Variants in LIPA observed in about 807,000 individuals in gnomAD.
The protein encoded by LIPA is lysosomal acid lipase/cholesteryl ester hydrolase.
Under a neutral mutation model 40.6 loss-of-function variants are expected in LIPA, and 26 were observed. The observed-to-expected ratio is 0.64, with a 90% CI of 0.47 to 0.89. The LOEUF (loss-of-function observed/expected upper bound fraction) is 0.89. Among genes scored for constraint, LIPA ranks in the 40% least tolerant of loss-of-function variants. LIPA has a pLI of 0.00. For missense variants in LIPA, 455 were observed against 479.6 expected (o/e 0.95, Z 0.48); for synonymous variants, 188 against 168.4 (o/e 1.12, Z -0.90).
chr10:89,362,221 C>T (rs954654126), intron 2 of LIPA: 1 of 152,036 alleles, frequency 6.6e-6, no homozygotes, highest in Non-Finnish European at 1.5e-5. Flanking sequence ...AATGTTTCTA[C>T]CTATCTTTTC....
intron 2 of LIPA, among the ~76,000 whole-genome samples, chr10:89,371,350 T>C (rs1247535477): frequency 6.6e-6 from 1 of 152,210 alleles, no homozygotes; most frequent in African/African-American, 2.4e-5. Context: ...TCCATGACTC[T>C]CCATTTTAGT....
intron 4 of LIPA, among the ~76,000 whole-genome samples, chr10:89,227,453 C>T (rs964558319): frequency 6.6e-6 from 1 of 152,162 alleles, no homozygotes; most frequent in Non-Finnish European, 1.5e-5. Context: ...TTGTATATGC[C>T]TTTTGTTAAA....
chr10:89,282,743 G>T (rs990979743), intron 1 of LIPA, among the ~76,000 whole-genome samples: 2 of 152,166 alleles, frequency 1.3e-5, no homozygotes, highest in African/African-American at 4.8e-5. Context: ...TATGAAATAG[G>T]TGCTACCACT....
At chr10:89,359,765 A>G (rs1164535493) in intron 2 of LIPA, among the ~76,000 whole-genome samples, 1 of 151,286 alleles carries the variant, frequency 6.6e-6, no homozygotes. Flanking sequence ...CCTCTCACCC[A>G]TCCACTGAAG....
chr10:89,406,904 C>A (rs188005457), intron 2 of LIPA, among the ~76,000 whole-genome samples: 39 of 152,284 alleles, frequency 2.6e-4, no homozygotes, highest in Admixed American at 2.6e-4. Context: ...CATCGGACCC[C>A]TTTCACTTGC....
chr10:89,226,903 G>A lies in LIPA; in HGVS notation c.530C>T (p.Thr177Ile). The A allele has an allele frequency of 3.2e-6, 5 of 1,554,770 alleles. No homozygotes were observed. Among genetic ancestry groups the A allele is most frequent in the Non-Finnish European group, 4.4e-6 (5 of 1,126,520 alleles). ...QVYYVGHSQG[T>I]TIGFIAFSQI... ...CTTATTTACATACATACCTATAGTG[G>A]TGCCTTGAGAATGACCCACATAATA... The change falls in exon 5 of 10, where the codon ACC becomes ATC. Residue 177 changes from threonine to isoleucine, a missense_variant. Thr to Ile is a moderately conservative substitution (Grantham distance 89, BLOSUM62 -1). Transcript: ENST00000336233.
intron 2 of LIPA, among the ~76,000 whole-genome samples, chr10:89,375,424 A>C (rs1844114989): frequency 6.6e-6 from 1 of 152,188 alleles, no homozygotes; most frequent in Non-Finnish European, 1.5e-5. Context: ...ACCTCAGAAG[A>C]AAACATCCCA....
intron 2 of LIPA, chr10:89,403,764 T>A (rs1844483137): frequency 2.1e-6 from 2 of 959,730 alleles, no homozygotes; most frequent in African/African-American, 3.3e-5. Flanking sequence ...TGCTAACATT[T>A]ACTAATCATC....
At chr10:89,355,422 G>A (rs1843983675) in intron 2 of LIPA, among the ~76,000 whole-genome samples, 1 of 152,178 alleles carries the variant, frequency 6.6e-6, no homozygotes, top group Non-Finnish European at 1.5e-5. Context: ...TTGCAAAGAT[G>A]GTTTCAGCCT....
intron 1 of LIPA, among the ~76,000 whole-genome samples, chr10:89,295,015 T>TAAAGGAAAG (rs1843404066): frequency 1.7e-5 from 1 of 60,260 alleles, no homozygotes; most frequent in East Asian, 3.0e-4. Flanking sequence ...GGAAAGGAAA[T>TAAAGGAAAG]GAAATGAAAG....
At chr10:89,408,763 C>A (rs11498636) in intron 2 of LIPA, among the ~76,000 whole-genome samples, 5,471 of 152,282 alleles carry the variant, frequency 0.036, 144 homozygotes, top group South Asian at 0.13. Flanking sequence ...AAACCCTGGC[C>A]TTTAATGAAA....
chr10:89,256,979 G>A (rs1338209552), intron 1 of LIPA, among the ~76,000 whole-genome samples: 1 of 152,194 alleles, frequency 6.6e-6, no homozygotes, highest in African/African-American at 2.4e-5. Context: ...TTTGCAATGT[G>A]AATAAGTGTG....
At chr10:89,377,459 G>A (rs1229311881) in intron 2 of LIPA, among the ~76,000 whole-genome samples, 2 of 152,286 alleles carry the variant, frequency 1.3e-5, no homozygotes, top group East Asian at 3.9e-4. Flanking sequence ...CTCCACTATA[G>A]CCAGGGTTGG....
At chr10:89,320,011 T>G (rs1843562681) in intron 1 of LIPA, among the ~76,000 whole-genome samples, 2 of 152,144 alleles carry the variant, frequency 1.3e-5, no homozygotes, top group Non-Finnish European at 2.9e-5. Flanking sequence ...TTAACAAAAT[T>G]CAGTAGCCCT....
intron 1 of LIPA, among the ~76,000 whole-genome samples, chr10:89,282,220 G>A (rs984355484): frequency 5.9e-5 from 9 of 152,118 alleles, no homozygotes; most frequent in African/African-American, 2.2e-4. Context: ...CCAGACCAAC[G>A]ATTTTTATTT....
At chr10:89,306,050 G>C (rs1244993237) in intron 1 of LIPA, 1 of 1,614,100 alleles carries the variant, frequency 6.2e-7, no homozygotes, top group South Asian at 1.1e-5. Context: ...AAACTCCTTG[G>C]ATGATTTTGA....
chr10:89,348,255 A>G (rs550867092), intron 2 of LIPA, among the ~76,000 whole-genome samples: 85 of 152,336 alleles, frequency 5.6e-4, no homozygotes, highest in Non-Finnish European at 9.8e-4. Context: ...AAAAACAAAA[A>G]GATTGTTAAT....
At position 89,268,990 on chromosome 10, in the gene LIPA, A is replaced by AG. The variant is rs960476835; in HGVS notation, c.-1-21342_-1-21341insC. ...GACAGAGACAGACTCTGTCTCAAAA[A>AG]AAAAAAAGTATAAAAATACTTTAAA... On this transcript the variant is annotated intron_variant, in intron 1 of 5. Coordinates refer to the LIPA transcript ENST00000282673. 6.1e-4 allele frequency among the ~76,000 whole-genome samples: 91 copies of AG among 150,236 alleles called. 2 individuals carry two copies. In the South Asian group the frequency reaches 0.016, roughly 26 times the overall value.
chr10:89,216,180 T>C (rs1379547671), intron 8 of LIPA, among the ~76,000 whole-genome samples, 171 bp from the exon 9 acceptor site: 1 of 152,080 alleles, frequency 6.6e-6, no homozygotes, highest in Non-Finnish European at 1.5e-5. Flanking sequence ...TTGTCCTGCT[T>C]TACTGAATGA....
Sources: gnomAD v4.1 joint callset for allele counts (sites outside exome capture counted in the v4.1 genomes callset) on GRCh38, gnomAD v4.1.1 for gene constraint, MANE v1.5 for transcripts, NCBI Gene and HGNC (gene_info 2026-07-23, HGNC 2026-07-21) for gene names.